TFCP2L1: variants seen among roughly 807,000 people sequenced by gnomAD.
TFCP2L1 encodes transcription factor CP2 like 1.
Under a neutral mutation model 72.2 loss-of-function variants are expected in TFCP2L1, and 12 were observed. The ratio of observed to expected loss-of-function variants is 0.17; its 90% CI spans 0.11 to 0.27. The LOEUF (loss-of-function observed/expected upper bound fraction) is 0.27. Ranked by LOEUF, TFCP2L1 falls within the 10% of genes least tolerant of loss-of-function variation. The pLI, the probability that TFCP2L1 is intolerant of heterozygous loss-of-function variation, is 1.00. For missense variants in TFCP2L1, 488 were observed against 624.6 expected, an observed-to-expected ratio of 0.78 and a Z score of 2.33; for synonymous variants, 260 against 251.0, an observed-to-expected ratio of 1.04 and a Z score of -0.34.
At position 121,222,313 on chromosome 2, in the gene TFCP2L1, A is replaced by C. The variant is rs1436957561; in HGVS notation, c.*2028T>G. 1.3e-5 allele frequency: 2 copies of C among 152,254 alleles called. No individual in the cohort carries two copies. The highest frequency in any genetic ancestry group is 4.8e-5 in the African/African-American group (2 of 41,472). The allele number at this position is 152,254 out of a possible 1,614,324, so 9.4% of individuals were successfully genotyped here. ...TTCCACTCCTATGTATATTGCTAAA[A>C]GAAATGAAAACATATGTCCACACAA... On this transcript the variant is annotated 3_prime_UTR_variant, in exon 15 of 15. Transcript: ENST00000263707.
At chr2:121,270,930 C>T (rs1250545849) in intron 2 of TFCP2L1, among the ~76,000 whole-genome samples, 1 of 149,304 alleles carries the variant, frequency 6.7e-6, no homozygotes, top group African/African-American at 2.5e-5. Flanking sequence ...TGGCTCACAC[C>T]TGTAATCCCA....
intron 2 of TFCP2L1, among the ~76,000 whole-genome samples, chr2:121,277,926 T>C (rs1687178137): frequency 6.6e-6 from 1 of 152,048 alleles, no homozygotes; most frequent in Non-Finnish European, 1.5e-5. Context: ...AAACTTTCTA[T>C]AAAGTAGATT....
chr2:121,281,961 C>T (rs968177114), intron 1 of TFCP2L1, among the ~76,000 whole-genome samples: 1 of 151,302 alleles, frequency 6.6e-6, no homozygotes, highest in African/African-American at 2.4e-5. Flanking sequence ...GACGGAGTTT[C>T]ACTCTTGTTG....
At chr2:121,267,411 TATG>T (rs2104742551) in intron 2 of TFCP2L1, among the ~76,000 whole-genome samples, 1 of 152,316 alleles carries the variant, frequency 6.6e-6, no homozygotes, top group African/African-American at 2.4e-5. Flanking sequence ...ATCACATAAG[TATG>T]ATGTTTTAAT....
At chr2:121,236,756 C>T (rs1686257518) in intron 10 of TFCP2L1, among the ~76,000 whole-genome samples, 1 of 152,190 alleles carries the variant, frequency 6.6e-6, no homozygotes, top group Non-Finnish European at 1.5e-5. Context: ...TCTGTGACCA[C>T]ATAAGGCAGG....
At chr2:121,232,109 TTTGTTTTGTTTTG>T (rs1211725580) in intron 12 of TFCP2L1, 141 bp from the exon 13 acceptor site, 2 of 75,332 alleles carry the variant, frequency 2.7e-5, no homozygotes, top group Non-Finnish European at 6.2e-5. Context: ...TGCCACTCTT[TTTGTTTTGTTTTG>T]TTTTGTTTTG....
At position 121,278,713 on chromosome 2, in the gene TFCP2L1, C is replaced by G. The variant is rs556301785; in HGVS notation, c.214+2407G>C. On this transcript the variant is annotated intron_variant, in intron 2 of 14. Transcript: ENST00000263707. ...AGAAGAAAGAAAAAAAAAAAAACAC[C>G]TAGGGGGTGGCCAGGCCTGGTGGCT... Among the ~76,000 whole-genome samples the G allele has an allele frequency of 3.5e-5, 5 of 143,622 alleles. No individual in the cohort carries two copies. In the East Asian group the frequency reaches 1.1e-3, roughly 31 times the overall value. 94.2% of individuals were successfully genotyped at this position (143,622 alleles called of 152,430 possible).
At chr2:121,240,126 C>T (rs1158746245) in intron 7 of TFCP2L1, 9 of 985,022 alleles carry the variant, frequency 9.1e-6, no homozygotes, top group South Asian at 9.4e-5. Flanking sequence ...AAAGAATCTG[C>T]TGACAGGGGC....
chr2:121,284,901 C>G (rs367619755), intron 1 of TFCP2L1, 147 bp downstream of exon 1: 2 of 675,298 alleles, frequency 3.0e-6, no homozygotes, highest in Non-Finnish European at 4.2e-6. Flanking sequence ...CTAGGCGGGA[C>G]GCTGGGCGGG....
At chr2:121,261,435 C>A (rs917164676) in intron 2 of TFCP2L1, among the ~76,000 whole-genome samples, 2 of 152,094 alleles carry the variant, frequency 1.3e-5, no homozygotes, top group Non-Finnish European at 2.9e-5. Context: ...CATGTCAGAG[C>A]AACACAAGCA....
At position 121,249,028 on chromosome 2, in the gene TFCP2L1, C is replaced by T. The variant is rs911309656; in HGVS notation, c.351G>A (p.Leu117=). The T allele has an allele frequency of 5.0e-6, 8 of 1,605,066 alleles. No individual in the cohort carries two copies. In the African/African-American group the frequency reaches 6.7e-5, roughly 13 times the overall value. The change falls in exon 4 of 15, where the codon CTG becomes CTA. Residue 117 remains leucine (L), a synonymous_variant. Coordinates refer to ENST00000263707, the MANE Select transcript of TFCP2L1 (RefSeq NM_014553.3). ...RRLQYTEHQQ[L]EGWRWSRPGD... ...CTGGCCGACTCCACCGCCAGCCCTC[C>T]AGCTGCTGGTGCTCCGTATACTGCA... is the stretch of plus-strand genomic sequence containing the variant.
intron 2 of TFCP2L1, among the ~76,000 whole-genome samples, chr2:121,250,232 A>T (rs562831756): frequency 1.3e-5 from 2 of 152,294 alleles, no homozygotes; most frequent in African/African-American, 4.8e-5. Context: ...ACATCCATCC[A>T]TAACAACAGA....
chr2:121,237,399 T>G (rs1261645276), intron 10 of TFCP2L1, among the ~76,000 whole-genome samples: 1 of 152,006 alleles, frequency 6.6e-6, no homozygotes, highest in Non-Finnish European at 1.5e-5. Flanking sequence ...ACCCAGATGG[T>G]CCCCCTCAAG....
chr2:121,283,095 C>T (rs931910755), intron 1 of TFCP2L1, among the ~76,000 whole-genome samples: 2 of 152,308 alleles, frequency 1.3e-5, no homozygotes, highest in Admixed American at 6.5e-5. Flanking sequence ...TAATAATCCA[C>T]GGACTGCTGC....
intron 6 of TFCP2L1, among the ~76,000 whole-genome samples, chr2:121,242,899 C>T (rs1686408196): frequency 1.3e-5 from 2 of 152,210 alleles, no homozygotes; most frequent in Admixed American, 6.5e-5. Flanking sequence ...CCGCTAAGCC[C>T]CAGCTTACAC....
chr2:121,240,935 T>C (rs1686354485), intron 7 of TFCP2L1, among the ~76,000 whole-genome samples: 1 of 152,186 alleles, frequency 6.6e-6, no homozygotes. Flanking sequence ...AATACCCTCC[T>C]GCATGTCCAC....
chr2:121,228,155 T>C (rs1247344723), intron 13 of TFCP2L1, among the ~76,000 whole-genome samples: 1 of 152,230 alleles, frequency 6.6e-6, no homozygotes, highest in Non-Finnish European at 1.5e-5. Context: ...AATCGCCTAC[T>C]TAGGCGAGGT....
At chr2:121,270,709 A>G (rs1337053709) in intron 2 of TFCP2L1, among the ~76,000 whole-genome samples, 4 of 147,914 alleles carry the variant, frequency 2.7e-5, no homozygotes, top group East Asian at 2.0e-4. Flanking sequence ...TGTTTGGGGG[A>G]AAAAAAAAAG....
chr2:121,240,949 C>T (rs1410918310), intron 7 of TFCP2L1, among the ~76,000 whole-genome samples: 1 of 152,214 alleles, frequency 6.6e-6, no homozygotes, highest in Non-Finnish European at 1.5e-5. Flanking sequence ...TGTCCACACA[C>T]ATACACACAT....
Sources: gnomAD v4.1 joint callset for allele counts (sites outside exome capture counted in the v4.1 genomes callset) on GRCh38, gnomAD v4.1.1 for gene constraint, MANE v1.5 for transcripts, NCBI Gene and HGNC (gene_info 2026-07-23, HGNC 2026-07-21) for gene names.